PRG4: variants seen among roughly 807,000 people sequenced by gnomAD.
The protein encoded by PRG4 is proteoglycan 4.
Under a neutral mutation model 91.2 loss-of-function variants are expected in PRG4, and 61 were observed. That is an observed-to-expected ratio of 0.67 (90% CI 0.54 to 0.83). PRG4 has a LOEUF of 0.83. Ranked by LOEUF, PRG4 falls within the 40% of genes least tolerant of loss-of-function variation. The pLI, the probability that PRG4 is intolerant of heterozygous loss-of-function variation, is 0.00. For missense variants in PRG4, 1,564 were observed against 1,714.2 expected, an observed-to-expected ratio of 0.91 and a Z score of 1.55; for synonymous variants, 576 against 614.2, an observed-to-expected ratio of 0.94 and a Z score of 0.92.
At position 186,300,228 on chromosome 1, in the gene PRG4, C is replaced by A; in HGVS notation, c.199+15C>A. The A allele has an allele frequency of 1.9e-6, 3 of 1,613,474 alleles. 1 individual carries two copies. The highest frequency in any genetic ancestry group is 2.2e-5 in the South Asian group (2 of 90,842). On this transcript the variant is annotated intron_variant, in intron 3 of 12. Transcript: ENST00000445192. ...CTGCACTGCGGGTAAGTCCTGAGAG[C>A]GGGTGTCTCCTCTGTCAAGCAACAC...
chr1:186,299,418 G>C (rs1474217199), intron 2 of PRG4, among the ~76,000 whole-genome samples: 1 of 152,188 alleles, frequency 6.6e-6, no homozygotes, highest in Non-Finnish European at 1.5e-5. Flanking sequence ...TCAGGAATGG[G>C]AGGCAAAGCG....
chr1:186,311,523 T>G lies in PRG4; in HGVS notation c.3720T>G (p.Thr1240=), dbSNP rs757584066. ...KPIFKGFGGL[T]GQIVAALSTA... is the part of the protein sequence containing the mutation. The stretch of plus-strand genomic sequence containing the variant: ...TTTTCAAAGGATTTGGAGGACTAAC[T>G]GGACAAATAGTGGCAGCGCTTTCAA... Residue 1240 remains threonine (T), a synonymous_variant, in exon 10 of 13, where the codon ACT becomes ACG. Transcript: ENST00000445192. The G allele has an allele frequency of 4.3e-6, 7 of 1,613,952 alleles. No individual in the cohort carries two copies. In the Admixed American group the frequency reaches 8.3e-5, roughly 19 times the overall value.
At position 186,308,597 on chromosome 1, in the gene PRG4, G is replaced by A; in HGVS notation, c.2878G>A (p.Val960Ile). Residue 960 changes from valine to isoleucine, a missense_variant, in exon 7 of 13, where the codon GTA becomes ATA. Coordinates refer to ENST00000445192, the MANE Select transcript of PRG4 (RefSeq NM_005807.6). Reference sequence around the variant, plus strand: ...CAAAATAACAGCTACAACCACACAAGTAACATCTACCACAACTCAAGATAC... The same window carrying A: ...CAAAATAACAGCTACAACCACACAAATAACATCTACCACAACTCAAGATAC... The part of the protein sequence containing the change: ...ESKITATTTQ[V>I]TSTTTQDTTP... 1 of 1,613,432 alleles carries A rather than the reference G, an allele frequency of 6.2e-7. No homozygotes were observed. Among genetic ancestry groups the A allele is most frequent in the African/African-American group, 1.3e-5 (1 of 74,984 alleles).
chr1:186,307,202 C>T lies in PRG4; in HGVS notation c.1483C>T (p.Pro495Ser). ...CCCCAAGAAGCCTGCCCCAACTACC[C>T]CCAAGGAGCCTGCACCCACCACTCC... ...TAPKKPAPTTPKEPAPTTPKE... is the reference protein window; with the variant it reads ...TAPKKPAPTTSKEPAPTTPKE... Residue 495 changes from proline to serine, a missense_variant, in exon 7 of 13, where the codon CCC (proline) becomes TCC (serine). By Grantham distance (74) the Pro-to-Ser change is moderately conservative. Transcript: ENST00000445192. 6.4e-7 allele frequency: 1 copy of T among 1,553,650 alleles called. No homozygotes were observed. The highest frequency in any genetic ancestry group is 8.7e-7 in the Non-Finnish European group (1 of 1,151,984).
chr1:186,312,295 A>G lies in PRG4; in HGVS notation c.3914A>G (p.Glu1305Gly), dbSNP rs760435378. 1.1e-5 allele frequency: 18 copies of G among 1,613,728 alleles called. No homozygotes were observed. The highest frequency in any genetic ancestry group is 1.4e-5 in the Non-Finnish European group (17 of 1,179,930). The change falls in exon 11 of 13, where the codon GAA becomes GGA. Residue 1305 changes from glutamate (E) to glycine (G), a missense_variant. By Grantham distance (98) the Glu-to-Gly change is moderately conservative. Around this residue, in one of 3 missense-constraint regions of PRG4, gnomAD observed 1,079 missense variants for 1,162.2 expected, o/e 0.93. Transcript: ENST00000445192. ...ACACAGGTTAGGAGACGTCGCTTTGAACGTGCTATAGGACCTTCTCAAACA... is the reference window on the plus strand; with the variant it reads ...ACACAGGTTAGGAGACGTCGCTTTGGACGTGCTATAGGACCTTCTCAAACA... ...ETTQVRRRRF[E>G]RAIGPSQTHT...
In PRG4 at chr1:186,304,117, C is replaced by G; in HGVS notation, c.329C>G (p.Pro110Arg). ...YESFCAEVHN[P>R]TSPPSSKKAP... The stretch of plus-strand genomic sequence containing the variant: ...TCTTACTTGGCCTCAGTGCATAATC[C>G]CACATCACCACCATCTTCAAAGAAA... The change falls in exon 5 of 13, where the codon CCC becomes CGC. Residue 110 changes from proline to arginine, a missense_variant. Around this residue, in one of 3 missense-constraint regions of PRG4, gnomAD observed 437 missense variants for 459.0 expected, o/e 0.95. Coordinates refer to ENST00000445192, the MANE Select transcript of PRG4 (RefSeq NM_005807.6). 5.6e-6 allele frequency: 9 copies of G among 1,614,034 alleles called. No individual in the cohort carries two copies. Among genetic ancestry groups the G allele is most frequent in the Non-Finnish European group, 7.6e-6 (9 of 1,179,948 alleles).
intron 8 of PRG4, among the ~76,000 whole-genome samples, chr1:186,310,167 A>G (rs1657088825): frequency 6.6e-6 from 1 of 151,692 alleles, no homozygotes; most frequent in Non-Finnish European, 1.5e-5. Context: ...TTTAAAAAAT[A>G]AAATAAAATT....
chr1:186,313,778 G>C lies in PRG4; in HGVS notation c.4215G>C (p.Ter1405TyrextTer13). ...TLSKVWYNCP* is the reference protein window; with the variant it reads ...TLSKVWYNCPY ...CCAAAGTCTGGTACAACTGTCCTTA[G>C]ACTGATGAGCAAAGGAGGAGTCAAC... The change falls in exon 13 of 13, where the codon TAG (stop) becomes TAC (tyrosine). Residue 1405 changes from the stop codon to tyrosine (Y), a stop_lost. Coordinates refer to ENST00000445192, the MANE Select transcript of PRG4 (RefSeq NM_005807.6). The C allele has an allele frequency of 6.3e-7, 1 of 1,593,008 alleles. No homozygotes were observed. The highest frequency in any genetic ancestry group is 8.6e-7 in the Non-Finnish European group (1 of 1,160,972).
intron 4 of PRG4, among the ~76,000 whole-genome samples, chr1:186,302,389 T>G (rs1378850186): frequency 6.6e-6 from 1 of 152,208 alleles, no homozygotes; most frequent in Non-Finnish European, 1.5e-5. Context: ...GCTCCAGATT[T>G]TACAGAAAAA....
At chr1:186,311,770 C>G in intron 10 of PRG4, 174 bp downstream of exon 10, 1 of 685,448 alleles carries the variant, frequency 1.5e-6, no homozygotes, top group Non-Finnish European at 2.4e-6. Context: ...TTTTTATTTT[C>G]ATTTCTTCAC....
chr1:186,305,934 T>C (rs1656526376), intron 6 of PRG4, among the ~76,000 whole-genome samples: 1 of 152,072 alleles, frequency 6.6e-6, no homozygotes, highest in Non-Finnish European at 1.5e-5. Flanking sequence ...AGCAAGATGG[T>C]AGTACTAGGT....
Position 186,311,433 on chromosome 1 carries a change from T to G in PRG4, c.3637-7T>G. On this transcript the variant is annotated splice_region_variant and splice_polypyrimidine_tract_variant and intron_variant, in intron 9 of 12. Coordinates refer to ENST00000445192, the MANE Select transcript of PRG4 (RefSeq NM_005807.6). ...TGATAACATAATTTTCTCTTTTAAA[T>G]TATCAGGATTCTCAGTACTGGCGTT... 1.9e-6 allele frequency: 3 copies of G among 1,612,112 alleles called. No homozygotes were observed. Among genetic ancestry groups the G allele is most frequent in the Non-Finnish European group, 2.5e-6 (3 of 1,178,380 alleles).
At position 186,307,778 on chromosome 1, in the gene PRG4, G is replaced by A. The variant is rs149006549; in HGVS notation, c.2059G>A (p.Glu687Lys). 29 of 1,612,086 alleles carry A rather than the reference G, an allele frequency of 1.8e-5. No individual in the cohort carries two copies. In the African/African-American group the frequency reaches 3.1e-4, roughly 17 times the overall value. The change falls in exon 7 of 13, where the codon GAG (glutamate) becomes AAG (lysine). Residue 687 changes from glutamate to lysine, a missense_variant. Glu to Lys is a moderately conservative substitution (Grantham distance 56). Transcript: ENST00000445192. ...PKEPAPTTPKEPAPTTPKEPA... is the reference protein window; with the variant it reads ...PKEPAPTTPKKPAPTTPKEPA... ...GGAGCCTGCTCCAACTACCCCTAAG[G>A]AGCCTGCTCCAACTACCCCTAAGGA...
At chr1:186,310,317 C>T (rs1241370054) in intron 8 of PRG4, among the ~76,000 whole-genome samples, 1 of 152,194 alleles carries the variant, frequency 6.6e-6, no homozygotes, top group Non-Finnish European at 1.5e-5. Context: ...TGTTAATTCT[C>T]TGCTGTACTC....
chr1:186,309,987 A>C, intron 8 of PRG4, 117 bp downstream of exon 8: 2 of 801,074 alleles, frequency 2.5e-6, no homozygotes, highest in Admixed American at 3.6e-5. Context: ...CTGATTGATA[A>C]GCACACCTCA....
Position 186,309,860 on chromosome 1 carries a change from T to G in PRG4, c.3489T>G (p.Val1163=), listed in dbSNP as rs1156606835. The stretch of plus-strand genomic sequence containing the variant: ...CTACTTTGCGCAATGGGACATTAGT[T>G]GCATTCCGAGGTGAGCTATGTACAC... ...GLTTLRNGTL[V]AFRGHYFWML... Residue 1163 remains valine (V), a synonymous_variant, in exon 8 of 13, where the codon GTT becomes GTG. Coordinates refer to ENST00000445192, the MANE Select transcript of PRG4 (RefSeq NM_005807.6). 6.2e-7 allele frequency: 1 copy of G among 1,612,978 alleles called. No homozygotes were observed. The highest frequency in any genetic ancestry group is 8.5e-7 in the Non-Finnish European group (1 of 1,179,104).
chr1:186,297,832 T>TA (rs1460818757), intron 2 of PRG4, among the ~76,000 whole-genome samples: 17 of 152,214 alleles, frequency 1.1e-4, no homozygotes, highest in African/African-American at 3.9e-4. Context: ...ACATGAGTGG[T>TA]AACTGTCTGC....
intron 4 of PRG4, among the ~76,000 whole-genome samples, chr1:186,303,471 A>G (rs75235608): frequency 0.12 from 17,545 of 151,306 alleles, 1,278 homozygotes; most frequent in Non-Finnish European, 0.16. Context: ...AAAAAAAAAA[A>G]AAGAAGTTCC....
At chr1:186,310,381 C>T (rs545577099) in intron 8 of PRG4, among the ~76,000 whole-genome samples, 9 of 152,106 alleles carry the variant, frequency 5.9e-5, no homozygotes, top group Non-Finnish European at 1.2e-4. Context: ...AATTCCTTTT[C>T]GTACAGTAGA....
Sources: gnomAD v4.1 joint callset for allele counts (sites outside exome capture counted in the v4.1 genomes callset) on GRCh38, gnomAD v4.1.1 for gene constraint, gnomAD v4.1.1 regional missense constraint, MANE v1.5 for transcripts, NCBI Gene and HGNC (gene_info 2026-07-23, HGNC 2026-07-21) for gene names.